Variants in STS observed in about 807,000 individuals in gnomAD.
STS encodes the protein steroid sulfatase.
Under a neutral mutation model 26.8 loss-of-function variants are expected in STS, and 7 were observed. That is an observed-to-expected ratio of 0.26 (90% CI 0.15 to 0.49). The LOEUF (loss-of-function observed/expected upper bound fraction) is 0.49, where lower values mean the gene tolerates loss of function less well. Ranked by LOEUF, STS falls within the 20% of genes least tolerant of loss-of-function variation. The pLI, the probability that STS is intolerant of heterozygous loss-of-function variation, is 0.98. For missense variants in STS, 434 were observed against 465.6 expected, an observed-to-expected ratio of 0.93 and a Z score of 0.63; for synonymous variants, 199 against 189.4, an observed-to-expected ratio of 1.05 and a Z score of -0.42.
chrX:7,290,961 T>C (rs985029899), intron 7 of STS, among the ~76,000 whole-genome samples: 1 of 111,217 alleles, frequency 9.0e-6, no homozygotes, highest in East Asian at 2.8e-4. Flanking sequence ...CTTTGCCGTC[T>C]CTCCTCCAAG....
chrX:7,201,172 AG>A (rs1167876896), intron 2 of STS, among the ~76,000 whole-genome samples: 1 of 111,345 alleles, frequency 9.0e-6, no homozygotes, highest in African/African-American at 3.3e-5. Context: ...GATGATAGAT[AG>A]GTGGATGGAT....
chrX:7,341,936 C>T (rs1312122056), intron 10 of STS, among the ~76,000 whole-genome samples: 3 of 110,627 alleles, frequency 2.7e-5, no homozygotes, highest in Non-Finnish European at 5.7e-5. Flanking sequence ...GCCAGCCTCC[C>T]GAGTAGCTGG....
At chrX:7,209,915 G>A (rs1236950296) in intron 2 of STS, among the ~76,000 whole-genome samples, 3 of 111,181 alleles carry the variant, frequency 2.7e-5, no homozygotes, top group East Asian at 5.6e-4. Context: ...TGAGGATGAC[G>A]GCTTCCAGCT....
At chrX:7,250,036 T>C (rs1039230963) in intron 2 of STS, among the ~76,000 whole-genome samples, 10 of 110,860 alleles carry the variant, frequency 9.0e-5, no homozygotes, top group African/African-American at 3.3e-4. Flanking sequence ...CAAGCAATTC[T>C]CCTGCCTCAG....
intron 2 of STS, among the ~76,000 whole-genome samples, chrX:7,239,126 G>A (rs1394450103): frequency 1.8e-5 from 2 of 111,494 alleles, no homozygotes; most frequent in African/African-American, 3.3e-5. Context: ...AAACAGATTC[G>A]CTAAATCAAT....
At chrX:7,209,250 G>C (rs1165144891) in intron 2 of STS, among the ~76,000 whole-genome samples, 1 of 110,579 alleles carries the variant, frequency 9.0e-6, no homozygotes, top group African/African-American at 3.3e-5. Context: ...TCCATAGCAG[G>C]TAACATTAAG....
At chrX:7,271,059 G>A (rs1301467385) in intron 6 of STS, among the ~76,000 whole-genome samples, 8 of 108,072 alleles carry the variant, frequency 7.4e-5, no homozygotes, top group African/African-American at 1.0e-4. Context: ...AATCCAAGTC[G>A]AAACTGGACT....
At chrX:7,173,336 G>A (rs559597678) in intron 1 of STS, among the ~76,000 whole-genome samples, 1 of 111,677 alleles carries the variant, frequency 9.0e-6, no homozygotes, top group African/African-American at 3.3e-5. Context: ...TATCCAGTCT[G>A]TCATTGATGG....
intron 5 of STS, among the ~76,000 whole-genome samples, chrX:7,258,041 T>C (rs376017029): frequency 4.6e-5 from 4 of 86,097 alleles, no homozygotes; most frequent in African/African-American, 1.6e-4. Flanking sequence ...GATGGATGGA[T>C]GGAAGGAATA....
chrX:7,174,397 A>G (rs1351349828), intron 1 of STS, among the ~76,000 whole-genome samples: 2 of 111,817 alleles, frequency 1.8e-5, no homozygotes, highest in Non-Finnish European at 3.8e-5. Context: ...CTGCATGAAA[A>G]CTAACCCATC....
rs200004457 is a variant in STS at position 7,276,063 on chromosome X, G to T, written c.919G>T (p.Val307Phe). Reference protein sequence around the residue: ...KSQHGVYGDAVEEMDWSVGQI... With the variant: ...KSQHGVYGDAFEEMDWSVGQI... The stretch of plus-strand genomic sequence containing the variant: ...TCAACACGGAGTCTACGGGGATGCT[G>T]TTGAGGAAATGGACTGGAGTGTGGG... The change falls in exon 7 of 11, where the codon GTT becomes TTT. Residue 307 changes from valine (V) to phenylalanine (F), a missense_variant. Val to Phe is a conservative substitution (Grantham distance 50). Coordinates refer to ENST00000674429, the MANE Select transcript of STS (RefSeq NM_001320752.2). 8.3e-7 allele frequency: 1 copy of T among 1,208,964 alleles called. No homozygotes were observed. Among genetic ancestry groups the T allele is most frequent in the Non-Finnish European group, 1.1e-6 (1 of 894,477 alleles).
chrX:7,293,044 G>C (rs1051610140), intron 7 of STS, among the ~76,000 whole-genome samples: 4 of 111,635 alleles, frequency 3.6e-5, no homozygotes, highest in Non-Finnish European at 7.5e-5. Flanking sequence ...AGAGTGGGTA[G>C]GGTGGCAGGG....
rs141207842 is a variant in STS at position 7,253,516 on chromosome X, T to C, written c.137+180T>C. ...TGTCATGAAGGCAGGTGTGAGTTTA[T>C]CTGTTTGACTATGAACAGGGAGCTG... On this transcript the variant is annotated intron_variant, in intron 3 of 10. Transcript: ENST00000674429. Among the ~76,000 whole-genome samples the C allele has an allele frequency of 9.5e-4, 107 of 112,278 alleles. 1 individual carries two copies. The highest frequency in any genetic ancestry group is 1.6e-3 in the Non-Finnish European group (85 of 53,269).
At chrX:7,334,958 T>G (rs1378518885) in intron 10 of STS, among the ~76,000 whole-genome samples, 1 of 112,387 alleles carries the variant, frequency 8.9e-6, no homozygotes, top group African/African-American at 3.2e-5. Flanking sequence ...TATGGCTGCA[T>G]AGTATTCCAT....
chrX:7,243,056 T>G (rs1276958887), intron 2 of STS, among the ~76,000 whole-genome samples: 1 of 112,378 alleles, frequency 8.9e-6, no homozygotes, highest in Non-Finnish European at 1.9e-5. Context: ...CTTTATTATT[T>G]TGGAAACCTC....
intron 2 of STS, among the ~76,000 whole-genome samples, chrX:7,213,962 A>G (rs1223492727): frequency 9.0e-6 from 1 of 111,176 alleles, no homozygotes; most frequent in Non-Finnish European, 1.9e-5. Context: ...ACCTGCGTGT[A>G]GTCCCAGCTA....
At chrX:7,308,438 T>A (rs1330909212) in intron 8 of STS, among the ~76,000 whole-genome samples, 1 of 111,078 alleles carries the variant, frequency 9.0e-6, no homozygotes, top group East Asian at 2.9e-4. Flanking sequence ...CCCGGGGAAG[T>A]TTCATGGGAC....
chrX:7,220,193 G>C (rs1462688404), intron 2 of STS, among the ~76,000 whole-genome samples: 1 of 111,580 alleles, frequency 9.0e-6, no homozygotes, highest in African/African-American at 3.3e-5. Context: ...TCTATGGGCT[G>C]TCGGAATCTT....
At chrX:7,223,711 A>G (rs1055372309) in intron 2 of STS, among the ~76,000 whole-genome samples, 23 of 109,688 alleles carry the variant, frequency 2.1e-4, no homozygotes, top group African/African-American at 5.3e-4. Flanking sequence ...TAGGTTGTCT[A>G]TTTACTCTGT....
Sources: allele counts gnomAD v4.1 joint callset (sites outside exome capture counted in the v4.1 genomes callset), GRCh38; gene constraint gnomAD v4.1.1; transcripts MANE v1.5; gene names NCBI Gene and HGNC (gene_info 2026-07-23, HGNC 2026-07-21).